ATP2B2: variants seen among roughly 807,000 people sequenced by gnomAD.
ATP2B2 encodes the protein plasma membrane calcium-transporting ATPase 2.
In ATP2B2, 15 loss-of-function variants were observed where a neutral mutation model predicts 120.0. The observed-to-expected ratio is 0.12, with a 90% confidence interval of 0.08 to 0.19. The LOEUF is 0.19. Ranked by LOEUF, ATP2B2 falls within the 10% of genes least tolerant of loss-of-function variation. The pLI is 1.00. For synonymous variants in ATP2B2, 694 were observed against 700.3 expected (o/e 0.99, Z 0.14); for missense variants, 1,045 against 1,719.8 (o/e 0.61, Z 6.94).
At chr3:10,684,796 A>T (rs749743833) in intron 1 of ATP2B2, among the ~76,000 whole-genome samples, 1 of 152,242 alleles carries the variant, frequency 6.6e-6, no homozygotes. Flanking sequence ...AGTCTAATTA[A>T]GTCTATGGCA....
intron 1 of ATP2B2, among the ~76,000 whole-genome samples, chr3:10,462,817 TTCCCACA>T (rs551935156): frequency 2.3e-3 from 348 of 152,272 alleles, no homozygotes; most frequent in Admixed American, 4.2e-3. Context: ...TGACTACAGC[TTCCCACA>T]TCCCACCTGA....
intron 1 of ATP2B2, among the ~76,000 whole-genome samples, chr3:10,465,372 A>G (rs1028806142): frequency 2.0e-5 from 3 of 152,232 alleles, no homozygotes; most frequent in Admixed American, 6.5e-5. Flanking sequence ...CTTTCTCTGA[A>G]GCCCTGGGTC....
Position 10,340,667 on chromosome 3 carries a change from C to T in ATP2B2, c.2955G>A (p.Ala985=), listed in dbSNP as rs371616141. 33 of 1,614,126 alleles carry T rather than the reference C, an allele frequency of 2.0e-5. No homozygotes were observed. The highest frequency in any genetic ancestry group is 2.7e-5 in the Non-Finnish European group (32 of 1,180,018). The stretch of plus-strand genomic sequence containing the variant: ...GTTCTGAGGGTGGCGAATGCAGGGG[C>T]GCGTTCCTCCCGCTGTCGATCTGGA... The part of the protein sequence containing the change: ...KMFQIDSGRN[A]PLHSPPSEHY... The change falls in exon 20 of 23, where the codon GCG becomes GCA. Residue 985 remains alanine, a synonymous_variant. Coordinates refer to ENST00000360273, the MANE Select transcript of ATP2B2 (RefSeq NM_001001331.4). The surrounding 1 kb of genome is among the most constrained non-coding windows in gnomAD (Gnocchi z 5.0).
chr3:10,524,370 G>C (rs115748483), intron 3 of ATP2B2, among the ~76,000 whole-genome samples: 36 of 152,350 alleles, frequency 2.4e-4, no homozygotes, highest in African/African-American at 8.7e-4. Flanking sequence ...GCCACGTCCT[G>C]AGGCGAGTGC....
At chr3:10,554,054 T>C (rs1293560495) in intron 2 of ATP2B2, among the ~76,000 whole-genome samples, 3 of 151,562 alleles carry the variant, frequency 2.0e-5, no homozygotes, top group Non-Finnish European at 4.4e-5. Flanking sequence ...GAACAAGGCA[T>C]AGGAAGGCAT....
intron 8 of ATP2B2, among the ~76,000 whole-genome samples, chr3:10,381,020 G>A (rs937621874): frequency 6.6e-6 from 1 of 152,222 alleles, no homozygotes; most frequent in African/African-American, 2.4e-5. Context: ...GAGGCAGCCT[G>A]AATTTAGGAG....
At chr3:10,587,317 T>C (rs1047832430) in intron 2 of ATP2B2, among the ~76,000 whole-genome samples, 1 of 142,650 alleles carries the variant, frequency 7.0e-6, no homozygotes, top group Admixed American at 7.2e-5. Flanking sequence ...TATATATGTA[T>C]ATATGTCTCA....
At chr3:10,637,315 C>A (rs2070048096) in intron 1 of ATP2B2, among the ~76,000 whole-genome samples, 1 of 152,084 alleles carries the variant, frequency 6.6e-6, no homozygotes, top group Non-Finnish European at 1.5e-5. Flanking sequence ...AAATTACAAT[C>A]AAAGTGAAAA....
chr3:10,381,647 C>T (rs2061534015), intron 8 of ATP2B2, among the ~76,000 whole-genome samples: 2 of 152,184 alleles, frequency 1.3e-5, no homozygotes, highest in African/African-American at 2.4e-5. Context: ...GCTCGCCTGG[C>T]CCTGAACTAT....
At chr3:10,669,013 C>G (rs1316315613) in intron 1 of ATP2B2, among the ~76,000 whole-genome samples, 1 of 152,196 alleles carries the variant, frequency 6.6e-6, no homozygotes. Context: ...AATGGTAGAA[C>G]AACTGCTCTA....
chr3:10,393,270 A>G (rs573479062), intron 5 of ATP2B2, among the ~76,000 whole-genome samples: 42 of 152,338 alleles, frequency 2.8e-4, no homozygotes, highest in African/African-American at 9.9e-4. Flanking sequence ...GCCAAAGCTC[A>G]GCGCCCACGA....
intron 22 of ATP2B2, among the ~76,000 whole-genome samples, chr3:10,333,215 A>C (rs2060027635): frequency 6.6e-6 from 1 of 152,134 alleles, no homozygotes; most frequent in African/African-American, 2.4e-5. Context: ...GACTCCTTCC[A>C]GGGCACACTG....
At chr3:10,430,715 C>A (rs1256372313) in intron 2 of ATP2B2, among the ~76,000 whole-genome samples, 1 of 151,784 alleles carries the variant, frequency 6.6e-6, no homozygotes, top group African/African-American at 2.4e-5. Context: ...GCACCCCCTA[C>A]TTGGTTAGAA....
intron 1 of ATP2B2, among the ~76,000 whole-genome samples, chr3:10,450,420 G>A (rs185556802): frequency 7.9e-5 from 12 of 151,174 alleles, no homozygotes; most frequent in East Asian, 3.9e-4. Context: ...CAGGTTCCCC[G>A]CCCCTACAAA....
At chr3:10,536,331 ATT>A (rs71055821) in intron 2 of ATP2B2, among the ~76,000 whole-genome samples, 9,258 of 138,816 alleles carry the variant, frequency 0.067, 336 homozygotes, top group East Asian at 0.14. Flanking sequence ...TTGTCACAGG[ATT>A]TTTTTTTTTT....
rs2060179549 is a variant in ATP2B2, at chr3:10,338,211, G to A, written c.3385C>T (p.Leu1129=). 2 of 1,614,012 alleles carry A rather than the reference G, an allele frequency of 1.2e-6. No individual in the cohort carries two copies. The highest frequency in any genetic ancestry group is 1.7e-6 in the Non-Finnish European group (2 of 1,180,022). The change falls in exon 22 of 23, where the codon CTG becomes TTG. Residue 1129 remains leucine (L), a synonymous_variant. Transcript: ENST00000360273. The stretch of plus-strand genomic sequence containing the variant: ...ATCCGATTCAGGCCTCGGAACCACA[G>A]GATCTGGCCCCGCCGCAGCTCCCGC... ...AERELRRGQI[L]WFRGLNRIQT...
chr3:10,329,920 C>T lies in ATP2B2; in HGVS notation c.3421-795G>A, dbSNP rs948306199. On this transcript the variant is annotated intron_variant, in intron 22 of 22. Coordinates refer to ENST00000360273, the MANE Select transcript of ATP2B2 (RefSeq NM_001001331.4). This position sits in a 1 kb window ranked among gnomAD's most constrained non-coding sequence, Gnocchi z 5.9. ...GTGAACGGAGGTCGTTTGTACCCAG[C>T]GTTTCTTTCCTTCATGCATTTGGGA... Among the ~76,000 whole-genome samples the T allele has an allele frequency of 1.3e-5, 2 of 152,082 alleles. No homozygotes were observed. Among genetic ancestry groups the T allele is most frequent in the East Asian group, 1.9e-4 (1 of 5,194 alleles).
At position 10,345,581 on chromosome 3, in the gene ATP2B2, G is replaced by A; in HGVS notation, c.2512-6C>T. ...ACGTCAGTGCCTGCGATGCCCTGTGGGGACAGGGACAGGAGGCTGGGTGGG... is the reference window on the plus strand; with the variant it reads ...ACGTCAGTGCCTGCGATGCCCTGTGAGGACAGGGACAGGAGGCTGGGTGGG... On this transcript the variant is annotated splice_region_variant and splice_polypyrimidine_tract_variant and intron_variant, in intron 17 of 22. Coordinates refer to ENST00000360273, the MANE Select transcript of ATP2B2 (RefSeq NM_001001331.4). 1 of 1,613,760 alleles carries A rather than the reference G, an allele frequency of 6.2e-7. No homozygotes were observed. Among genetic ancestry groups the A allele is most frequent in the Non-Finnish European group, 8.5e-7 (1 of 1,179,682 alleles).
intron 1 of ATP2B2, among the ~76,000 whole-genome samples, chr3:10,693,227 G>C (rs2071695562): frequency 1.3e-5 from 2 of 152,230 alleles, no homozygotes; most frequent in South Asian, 4.1e-4. Context: ...GAAAGAAACA[G>C]TATCTGGTAT....
Sources: allele counts gnomAD v4.1 joint callset (sites outside exome capture counted in the v4.1 genomes callset), GRCh38; gene constraint gnomAD v4.1.1; non-coding constraint Gnocchi (gnomAD v3.1); transcripts MANE v1.5; gene names NCBI Gene and HGNC (gene_info 2026-07-23, HGNC 2026-07-21).